FGGY: variants seen among roughly 807,000 people sequenced by gnomAD.
FGGY encodes the protein FGGY carbohydrate kinase domain-containing protein.
In FGGY, 72 loss-of-function variants were observed where a neutral mutation model predicts 71.3. That is an observed-to-expected ratio of 1.01 (90% CI 0.84 to 1.23). FGGY has a LOEUF of 1.23. Ranked by LOEUF, FGGY falls within the 50% of genes most tolerant of loss-of-function variation. The pLI, the probability that FGGY is intolerant of heterozygous loss-of-function variation, is 0.00. For synonymous variants in FGGY, 251 were observed against 250.3 expected (o/e 1.00, Z -0.02); for missense variants, 668 against 682.3 (o/e 0.98, Z 0.23).
At chr1:59,447,040 C>T (rs2071442338) in intron 5 of FGGY, among the ~76,000 whole-genome samples, 1 of 152,158 alleles carries the variant, frequency 6.6e-6, no homozygotes, top group Admixed American at 6.5e-5. Context: ...TTCATGGTCT[C>T]TGGCTCGGAT....
intron 4 of FGGY, among the ~76,000 whole-genome samples, chr1:59,373,349 G>A (rs927791605): frequency 6.6e-6 from 1 of 152,130 alleles, no homozygotes; most frequent in Non-Finnish European, 1.5e-5. Flanking sequence ...CAGCTTACAA[G>A]GGACATGAAG....
chr1:59,681,699 T>C (rs767863390), intron 14 of FGGY, among the ~76,000 whole-genome samples: 2 of 152,142 alleles, frequency 1.3e-5, no homozygotes, highest in Non-Finnish European at 2.9e-5. Context: ...CCATGCTGTA[T>C]AATATTCAAA....
At chr1:59,400,753 C>G (rs931664246) in intron 5 of FGGY, among the ~76,000 whole-genome samples, 2 of 151,270 alleles carry the variant, frequency 1.3e-5, no homozygotes, top group Non-Finnish European at 2.9e-5. Flanking sequence ...AGAACTAAAC[C>G]AAATATTTTA....
intron 6 of FGGY, among the ~76,000 whole-genome samples, chr1:59,488,856 C>G (rs577233456): frequency 6.6e-6 from 1 of 151,874 alleles, no homozygotes; most frequent in African/African-American, 2.4e-5. Context: ...TTTTAAGGCT[C>G]TTGGTGTATA....
At chr1:59,735,118 A>T (rs2098088895) in intron 14 of FGGY, among the ~76,000 whole-genome samples, 1 of 152,128 alleles carries the variant, frequency 6.6e-6, no homozygotes, top group African/African-American at 2.4e-5. Flanking sequence ...AGAGAGAGGG[A>T]TGGGAAGACT....
intron 6 of FGGY, among the ~76,000 whole-genome samples, chr1:59,499,425 A>G (rs1044756086): frequency 6.6e-6 from 1 of 151,310 alleles, no homozygotes; most frequent in African/African-American, 2.4e-5. Context: ...CAAGCTAGAT[A>G]ACGTGAGAAT....
At position 59,357,067 on chromosome 1, in the gene FGGY, C is replaced by T. The variant is rs149914489; in HGVS notation, c.465+10669C>T. 3.3e-3 allele frequency among the ~76,000 whole-genome samples: 499 copies of T among 152,288 alleles called. 4 individuals carry two copies. The highest frequency in any genetic ancestry group is 0.011 in the African/African-American group (463 of 41,562). ...TGAGGAATGAAGACAGTATTGTCAG[C>T]TGCTGTTAGGGCATGTGTTGTGGAT... On this transcript the variant is annotated intron_variant, in intron 4 of 15. Transcript: ENST00000303721.
chr1:59,490,048 T>C (rs1007868671), intron 6 of FGGY, among the ~76,000 whole-genome samples: 67 of 152,290 alleles, frequency 4.4e-4, no homozygotes, highest in African/African-American at 1.6e-3. Context: ...CATTTGCCTT[T>C]TTTAAAAAAT....
At chr1:59,743,483 C>T (rs2098167661) in intron 14 of FGGY, among the ~76,000 whole-genome samples, 1 of 152,186 alleles carries the variant, frequency 6.6e-6, no homozygotes, top group African/African-American at 2.4e-5. Context: ...CATTATCTGG[C>T]TCAAACTTCC....
At chr1:59,564,731 A>G (rs1558367771) in intron 8 of FGGY, among the ~76,000 whole-genome samples, 2 of 152,244 alleles carry the variant, frequency 1.3e-5, no homozygotes, top group Non-Finnish European at 2.9e-5. Flanking sequence ...GCAGTTTCAT[A>G]AAACCTACTC....
At chr1:59,530,812 G>A (rs1260151891) in intron 7 of FGGY, among the ~76,000 whole-genome samples, 2 of 152,078 alleles carry the variant, frequency 1.3e-5, no homozygotes, top group African/African-American at 4.8e-5. Flanking sequence ...ATATATGTGG[G>A]GACAAAGTTT....
chr1:59,720,512 T>C (rs1414210018), intron 14 of FGGY, among the ~76,000 whole-genome samples: 3 of 152,228 alleles, frequency 2.0e-5, no homozygotes, highest in Non-Finnish European at 4.4e-5. Context: ...TTCAGGCATA[T>C]GTGAGTTTTA....
chr1:59,346,330 G>A lies in FGGY; in HGVS notation c.397G>A (p.Val133Ile), dbSNP rs1327132195. 1 of 1,612,246 alleles carries A rather than the reference G, an allele frequency of 6.2e-7. No individual in the cohort carries two copies. The highest frequency in any genetic ancestry group is 1.7e-5 in the Admixed American group (1 of 59,970). The change falls in exon 4 of 16, where the codon GTC becomes ATC. Residue 133 changes from valine (V) to isoleucine (I), a missense_variant. By Grantham distance (29) the Val-to-Ile change is conservative. Coordinates refer to ENST00000303721, the MANE Select transcript of FGGY (RefSeq NM_018291.5). The stretch of plus-strand genomic sequence containing the variant: ...CAGGATCAATGAGACCAAGCACAGT[G>A]TCCTCCAGTACGTCGGGGGGGTGAT... ...VNRINETKHS[V>I]LQYVGGVMSV...
chr1:59,411,198 G>C (rs2063552601), intron 5 of FGGY, among the ~76,000 whole-genome samples: 1 of 152,198 alleles, frequency 6.6e-6, no homozygotes, highest in Admixed American at 6.5e-5. Context: ...GACGTTTTTG[G>C]AGTCTGGTTA....
At chr1:59,361,606 T>C (rs2055534124) in intron 4 of FGGY, among the ~76,000 whole-genome samples, 1 of 152,194 alleles carries the variant, frequency 6.6e-6, no homozygotes, top group African/African-American at 2.4e-5. Context: ...CTTTTATATA[T>C]TCCATGCTAT....
At chr1:59,628,973 A>G (rs978908473) in intron 10 of FGGY, among the ~76,000 whole-genome samples, 2 of 152,188 alleles carry the variant, frequency 1.3e-5, no homozygotes, top group African/African-American at 4.8e-5. Flanking sequence ...ATACAGAGTG[A>G]TGATTAAGAG....
chr1:59,642,605 A>T (rs2097045739), intron 11 of FGGY, among the ~76,000 whole-genome samples: 1 of 148,734 alleles, frequency 6.7e-6, no homozygotes, highest in African/African-American at 2.5e-5. Context: ...AGCCTGGGTG[A>T]CAAGAGCGAG....
At chr1:59,726,167 C>T (rs1196633045) in intron 14 of FGGY, among the ~76,000 whole-genome samples, 6 of 152,024 alleles carry the variant, frequency 3.9e-5, no homozygotes, top group African/African-American at 1.2e-4. Flanking sequence ...AATATTTCTC[C>T]TTCATTTATC....
intron 14 of FGGY, among the ~76,000 whole-genome samples, chr1:59,736,407 G>A (rs1478737939): frequency 6.6e-6 from 1 of 152,124 alleles, no homozygotes; most frequent in Non-Finnish European, 1.5e-5. Flanking sequence ...ATAGGAAAAT[G>A]TGGGAAAATT....
Sources: allele counts gnomAD v4.1 joint callset (sites outside exome capture counted in the v4.1 genomes callset), GRCh38; gene constraint gnomAD v4.1.1; transcripts MANE v1.5; gene names NCBI Gene and HGNC (gene_info 2026-07-23, HGNC 2026-07-21).